SMYD3: variants seen among roughly 807,000 people sequenced by gnomAD.
The protein encoded by SMYD3 is SET and MYND domain containing 3.
SMYD3 carries 36 observed loss-of-function variants against 57.7 expected under a neutral mutation model. The ratio of observed to expected loss-of-function variants is 0.62; its 90% CI spans 0.48 to 0.82. The LOEUF (loss-of-function observed/expected upper bound fraction) is 0.82, where lower values mean the gene tolerates loss of function less well. Ranked by LOEUF, SMYD3 falls within the 40% of genes least tolerant of loss-of-function variation. The pLI is 0.00. For synonymous variants in SMYD3, 211 were observed against 195.0 expected (o/e 1.08, Z -0.68); for missense variants, 515 against 538.8 (o/e 0.96, Z 0.44).
At chr1:246,074,317 A>G (rs1039970502) in intron 5 of SMYD3, among the ~76,000 whole-genome samples, 3 of 145,608 alleles carry the variant, frequency 2.1e-5, no homozygotes, top group African/African-American at 8.4e-5. Flanking sequence ...CATGTTTTGC[A>G]AATAAAAAAA....
intron 8 of SMYD3, among the ~76,000 whole-genome samples, chr1:245,894,069 G>C (rs2053577274): frequency 6.6e-6 from 1 of 152,202 alleles, no homozygotes; most frequent in African/African-American, 2.4e-5. Context: ...GGTGAAGCCA[G>C]CTGGACTTCC....
In SMYD3 at chr1:245,867,664, G is replaced by GCACACA. The variant is rs1553345537; in HGVS notation, c.814-3779_814-3778insTGTGTG. ...TGTGCATGCGCGTGCGTGTGCGTGCGCGCGCACACACACACACACACACAC... is the reference window on the plus strand; with the variant it reads ...TGTGCATGCGCGTGCGTGTGCGTGCGCACACACGCGCACACACACACACACACACAC... On this transcript the variant is annotated intron_variant, in intron 8 of 11. Transcript: ENST00000490107. Among the ~76,000 whole-genome samples, 43 of 122,192 alleles carry GCACACA rather than the reference G, an allele frequency of 3.5e-4. 1 individual carries two copies. The highest frequency in any genetic ancestry group is 9.0e-4 in the African/African-American group (28 of 30,944). The allele number at this position is 122,192 out of a possible 152,430, so 80.2% of individuals were successfully genotyped here. A position where few individuals can be genotyped will look rare whatever the true frequency, so the allele number is the denominator to read the frequency against.
intron 5 of SMYD3, among the ~76,000 whole-genome samples, chr1:245,952,266 G>A (rs1211640486): frequency 2.6e-5 from 4 of 152,016 alleles, no homozygotes; most frequent in East Asian, 1.9e-4. Context: ...AAGCTGAAAC[G>A]TAAGGATCAC....
At chr1:246,011,027 A>G (rs1290115743) in intron 5 of SMYD3, among the ~76,000 whole-genome samples, 8 of 152,214 alleles carry the variant, frequency 5.3e-5, no homozygotes, top group Non-Finnish European at 1.2e-4. Flanking sequence ...GCCCAGGAAG[A>G]GCGAAGTCTA....
intron 5 of SMYD3, among the ~76,000 whole-genome samples, chr1:245,937,933 T>C (rs1333673604): frequency 6.6e-6 from 1 of 152,220 alleles, no homozygotes; most frequent in African/African-American, 2.4e-5. Flanking sequence ...TGAAGTTGAA[T>C]TAGATATGGC....
intron 5 of SMYD3, among the ~76,000 whole-genome samples, chr1:246,250,058 T>C (rs2063776706): frequency 6.6e-6 from 1 of 152,198 alleles, no homozygotes; most frequent in Admixed American, 6.5e-5. Context: ...TCCCCCTCTC[T>C]TGATATATAC....
At chr1:245,816,968 G>A (rs1245873704) in intron 10 of SMYD3, among the ~76,000 whole-genome samples, 4 of 151,444 alleles carry the variant, frequency 2.6e-5, no homozygotes, top group Non-Finnish European at 5.9e-5. Context: ...CGAGGCTGGG[G>A]GAGGGGCGCC....
At chr1:245,810,752 T>C (rs2148286866) in intron 10 of SMYD3, among the ~76,000 whole-genome samples, 1 of 150,452 alleles carries the variant, frequency 6.6e-6, no homozygotes, top group South Asian at 2.2e-4. Flanking sequence ...AGAACTGAGC[T>C]GAGAACTGCA....
intron 5 of SMYD3, among the ~76,000 whole-genome samples, chr1:246,272,095 T>C (rs1317849923): frequency 6.6e-6 from 1 of 152,250 alleles, no homozygotes; most frequent in East Asian, 1.9e-4. Flanking sequence ...TGTTTGTTTG[T>C]GTATAAAAAT....
chr1:245,855,299 AT>A lies in SMYD3; in HGVS notation c.1076+3196del, dbSNP rs371835131. ...TTTAAAACAATGTGCTCAATTTTGTATTTTTCTCTCCGTTTTTAGGGGCTGG... is the reference window on the plus strand; with the variant it reads ...TTTAAAACAATGTGCTCAATTTTGTATTTTCTCTCCGTTTTTAGGGGCTGG... On this transcript the variant is annotated intron_variant, in intron 10 of 11. Transcript: ENST00000490107. 4.1e-4 allele frequency among the ~76,000 whole-genome samples: 59 copies of A among 142,448 alleles called. No homozygotes were observed. The East Asian group carries it at 0.01, about 25-fold the overall frequency. The allele number at this position is 142,448 out of a possible 152,430, so 93.5% of individuals were successfully genotyped here.
chr1:246,370,558 G>A (rs980545265), intron 1 of SMYD3, among the ~76,000 whole-genome samples: 3 of 152,104 alleles, frequency 2.0e-5, no homozygotes, highest in Non-Finnish European at 4.4e-5. Context: ...ACTTACTCAC[G>A]GGACTGCAAG....
chr1:246,046,492 G>A (rs536086495), intron 5 of SMYD3, among the ~76,000 whole-genome samples: 131 of 152,080 alleles, frequency 8.6e-4, no homozygotes, highest in Admixed American at 1.6e-3. Context: ...GTGGGAGTGG[G>A]GAGGGATAGC....
At chr1:246,269,754 G>C (rs1466471760) in intron 5 of SMYD3, among the ~76,000 whole-genome samples, 2 of 151,862 alleles carry the variant, frequency 1.3e-5, no homozygotes, top group African/African-American at 4.8e-5. Flanking sequence ...AATCTTTTTT[G>C]TAGAGAAGCT....
At chr1:245,969,213 G>A (rs1484876265) in intron 5 of SMYD3, among the ~76,000 whole-genome samples, 1 of 152,198 alleles carries the variant, frequency 6.6e-6, no homozygotes. Flanking sequence ...ATCAACACGG[G>A]TTTGCTGTGA....
intron 8 of SMYD3, among the ~76,000 whole-genome samples, chr1:245,867,194 G>A (rs2051904646): frequency 6.6e-6 from 1 of 152,188 alleles, no homozygotes; most frequent in Non-Finnish European, 1.5e-5. Context: ...AAAAGAGGAG[G>A]TCAGGGTGAT....
intron 5 of SMYD3, among the ~76,000 whole-genome samples, chr1:246,240,497 T>C: frequency 6.6e-6 from 1 of 152,172 alleles, no homozygotes; most frequent in Non-Finnish European, 1.5e-5. Context: ...ACTGTAGCCT[T>C]GTAGTATAGT....
At chr1:246,431,601 G>A (rs1044497341) in intron 1 of SMYD3, among the ~76,000 whole-genome samples, 11 of 152,118 alleles carry the variant, frequency 7.2e-5, no homozygotes, top group Admixed American at 5.9e-4. Flanking sequence ...ATGCTGGTGT[G>A]CGCCTGCAGT....
chr1:246,110,865 G>T lies in SMYD3; in HGVS notation c.532-180928C>A, dbSNP rs138716694. On this transcript the variant is annotated intron_variant, in intron 5 of 11. Coordinates refer to ENST00000490107, the MANE Select transcript of SMYD3 (RefSeq NM_001167740.2). ...GTTCCTTACACCTACCAATTTAAAA[G>T]TACTGTAATTCCATTTTAAGGGTTC... is the stretch of plus-strand genomic sequence containing the variant. 5.3e-3 allele frequency among the ~76,000 whole-genome samples: 813 copies of T among 152,252 alleles called. 8 individuals are homozygous for T. Among genetic ancestry groups the T allele is most frequent in the African/African-American group, 0.019 (784 of 41,542 alleles).
chr1:246,485,079 T>C (rs1468769020), intron 1 of SMYD3, among the ~76,000 whole-genome samples: 1 of 139,824 alleles, frequency 7.2e-6, no homozygotes, highest in Non-Finnish European at 1.5e-5. Context: ...TAGTTACACC[T>C]GAAAACACAT....
Sources: gnomAD v4.1 joint callset for allele counts (sites outside exome capture counted in the v4.1 genomes callset) on GRCh38, gnomAD v4.1.1 for gene constraint, MANE v1.5 for transcripts, NCBI Gene and HGNC (gene_info 2026-07-23, HGNC 2026-07-21) for gene names.